Variants in DACH2 observed in about 807,000 individuals in gnomAD.
DACH2 encodes the protein dachshund family transcription factor 2.
A neutral mutation model predicts 35.8 loss-of-function variants in DACH2; 17 were observed. The ratio of observed to expected loss-of-function variants is 0.48; its 90% confidence interval spans 0.33 to 0.71. DACH2 has a LOEUF of 0.71. Ranked by LOEUF, DACH2 falls within the 30% of genes least tolerant of loss-of-function variation. The pLI is 0.02. For missense variants in DACH2, 469 were observed against 472.7 expected, an observed-to-expected ratio of 0.99 and a Z score of 0.07; for synonymous variants, 195 against 177.3, an observed-to-expected ratio of 1.10 and a Z score of -0.79.
chrX:86,562,300 T>C (rs1186273588), intron 3 of DACH2, among the ~76,000 whole-genome samples: 1 of 111,348 alleles, frequency 9.0e-6, no homozygotes, highest in Non-Finnish European at 1.9e-5. Flanking sequence ...CCTTTTTTCC[T>C]TCTCAATTTA....
chrX:86,157,816 ATTT>A (rs1472755035), intron 1 of DACH2, among the ~76,000 whole-genome samples: 1 of 111,403 alleles, frequency 9.0e-6, no homozygotes, highest in Admixed American at 9.6e-5. Context: ...AGAAAAATTT[ATTT>A]TTATTATCAT....
intron 4 of DACH2, among the ~76,000 whole-genome samples, chrX:86,651,536 A>T (rs2148406919): frequency 8.9e-6 from 1 of 111,936 alleles, no homozygotes; most frequent in South Asian, 3.7e-4. Context: ...CTGACAGTCC[A>T]GGTTGGCTGG....
At chrX:86,281,519 T>G (rs768321535) in intron 1 of DACH2, among the ~76,000 whole-genome samples, 1 of 111,754 alleles carries the variant, frequency 8.9e-6, no homozygotes, top group Non-Finnish European at 1.9e-5. Flanking sequence ...TGAGAACTAT[T>G]TATGACAAAC....
At chrX:86,516,104 G>T (rs942667855) in intron 3 of DACH2, among the ~76,000 whole-genome samples, 8 of 111,852 alleles carry the variant, frequency 7.2e-5, no homozygotes, top group Non-Finnish European at 7.5e-5. Flanking sequence ...TGAGGGGGAA[G>T]ATAATGAATT....
chrX:86,276,038 G>A (rs910430376), intron 1 of DACH2, among the ~76,000 whole-genome samples: 3 of 112,044 alleles, frequency 2.7e-5, no homozygotes, highest in East Asian at 2.8e-4. Flanking sequence ...GTATCTCTTC[G>A]ATATACTGAA....
intron 1 of DACH2, among the ~76,000 whole-genome samples, chrX:86,191,215 A>G (rs1220868131): frequency 4.5e-5 from 5 of 111,843 alleles, no homozygotes; most frequent in African/African-American, 1.6e-4. Context: ...TAGCAAAGAT[A>G]CAGAATCAAC....
intron 2 of DACH2, among the ~76,000 whole-genome samples, chrX:86,416,807 A>G (rs765212879): frequency 1.8e-5 from 2 of 110,515 alleles, no homozygotes; most frequent in Non-Finnish European, 3.8e-5. Context: ...TTAACAGTCA[A>G]TCAGGTCTTG....
At chrX:86,689,197 A>G (rs935494969) in intron 4 of DACH2, among the ~76,000 whole-genome samples, 1 of 111,932 alleles carries the variant, frequency 8.9e-6, no homozygotes, top group African/African-American at 3.2e-5. Context: ...CAAATTTCAG[A>G]TACAGTGCAT....
intron 2 of DACH2, among the ~76,000 whole-genome samples, chrX:86,404,087 T>G (rs1427450547): frequency 6.3e-5 from 7 of 110,655 alleles, no homozygotes; most frequent in African/African-American, 2.0e-4. Context: ...CTGGGTCCCT[T>G]TCACAACACG....
chrX:86,361,656 G>A (rs2035741338), intron 1 of DACH2, among the ~76,000 whole-genome samples: 1 of 111,696 alleles, frequency 9.0e-6, no homozygotes, highest in African/African-American at 3.2e-5. Flanking sequence ...AACAGTATAA[G>A]CATATTTGTA....
intron 1 of DACH2, among the ~76,000 whole-genome samples, chrX:86,358,236 C>T (rs1183461617): frequency 9.0e-6 from 1 of 110,922 alleles, no homozygotes; most frequent in Non-Finnish European, 1.9e-5. Context: ...GTCTTTCAGC[C>T]AAGTTGTAAG....
intron 3 of DACH2, among the ~76,000 whole-genome samples, chrX:86,583,546 AT>A (rs1242172952): frequency 4.6e-5 from 5 of 109,796 alleles, no homozygotes; most frequent in Non-Finnish European, 9.5e-5. Context: ...CTTTTTTTAA[AT>A]TTTTTTAATT....
At chrX:86,771,691 G>A (rs188404517) in intron 7 of DACH2, among the ~76,000 whole-genome samples, 59 of 111,712 alleles carry the variant, frequency 5.3e-4, no homozygotes, top group Middle Eastern at 4.6e-3. Context: ...TTCTCATGAC[G>A]CTGCTTCTTT....
intron 2 of DACH2, among the ~76,000 whole-genome samples, chrX:86,449,665 AT>A (rs753362944): frequency 1.7e-4 from 19 of 110,800 alleles, no homozygotes; most frequent in Non-Finnish European, 3.4e-4. Flanking sequence ...TTATTACAAG[AT>A]TTTGCTTCAT....
intron 1 of DACH2, among the ~76,000 whole-genome samples, chrX:86,182,832 G>T (rs961019818): frequency 1.8e-5 from 2 of 111,334 alleles, no homozygotes; most frequent in African/African-American, 6.5e-5. Flanking sequence ...CCATTTGTTT[G>T]TGTCCTCTTT....
At position 86,280,917 on chromosome X, in the gene DACH2, T is replaced by C. The variant is rs771863608; in HGVS notation, c.489-95907T>C. On this transcript the variant is annotated intron_variant, in intron 1 of 11. Transcript: ENST00000373125. ...AAGAGCTAACTACCCTAAATATATA[T>C]GCACCAAATACAGGAGCACCCAGAT... Among the ~76,000 whole-genome samples the C allele has an allele frequency of 3.6e-5, 4 of 111,699 alleles. No individual in the cohort carries two copies. The South Asian group carries it at 1.5e-3, about 42-fold the overall frequency.
At chrX:86,550,146 C>T (rs1393517927) in intron 3 of DACH2, among the ~76,000 whole-genome samples, 2 of 110,999 alleles carry the variant, frequency 1.8e-5, no homozygotes, top group African/African-American at 6.5e-5. Flanking sequence ...TTGCATAATT[C>T]TTGGTGATAC....
chrX:86,451,717 T>C (rs2037381207), intron 2 of DACH2, among the ~76,000 whole-genome samples: 1 of 111,619 alleles, frequency 9.0e-6, no homozygotes, highest in Admixed American at 9.6e-5. Context: ...TTTGTTTGTG[T>C]CATCTCTGAT....
chrX:86,304,843 G>A (rs868290526), intron 1 of DACH2: 15 of 139,115 alleles, frequency 1.1e-4, no homozygotes, highest in African/African-American at 3.8e-4. Flanking sequence ...GGTAGCAGCA[G>A]CAGCTGGATG....
Sources: gnomAD v4.1 joint callset for allele counts (sites outside exome capture counted in the v4.1 genomes callset) on GRCh38, gnomAD v4.1.1 for gene constraint, MANE v1.5 for transcripts, NCBI Gene and HGNC (gene_info 2026-07-23, HGNC 2026-07-21) for gene names.